The following SLCO2A1 variants were observed in gnomAD, a reference collection of about 807,000 sequenced individuals.
SLCO2A1 encodes solute carrier organic anion transporter family member 2A1.
SLCO2A1 carries 60 observed loss-of-function variants against 71.7 expected under a neutral mutation model. The ratio of observed to expected loss-of-function variants is 0.84; its 90% CI spans 0.68 to 1.04. The LOEUF is 1.04. SLCO2A1 is among the 50% of genes least tolerant of loss of function. The pLI, the probability that SLCO2A1 is intolerant of heterozygous loss-of-function variation, is 0.00. For synonymous variants in SLCO2A1, 308 were observed against 326.7 expected (o/e 0.94, Z 0.62); for missense variants, 745 against 813.4 (o/e 0.92, Z 1.02).
chr3:133,993,563 A>G (rs1025607357), intron 1 of SLCO2A1, among the ~76,000 whole-genome samples: 1 of 151,372 alleles, frequency 6.6e-6, no homozygotes, highest in African/African-American at 2.4e-5. Context: ...GGTTTCCCAG[A>G]AAAAAAAACA....
At chr3:134,007,116 T>G (rs1216183856) in intron 1 of SLCO2A1, among the ~76,000 whole-genome samples, 1 of 152,244 alleles carries the variant, frequency 6.6e-6, no homozygotes, top group African/African-American at 2.4e-5. Context: ...TGGCCACTTG[T>G]GTATCATTTT....
rs779107119 is a variant in SLCO2A1 at position 133,953,805 on chromosome 3, G to C, written c.626-44C>G. ...GGAAGGAGACTGAGATAAATGGAGA[G>C]AGTTTGGCAGCCTTGGGCTCCCAAG... On this transcript the variant is annotated intron_variant, in intron 4 of 13. Coordinates refer to ENST00000310926, the MANE Select transcript of SLCO2A1 (RefSeq NM_005630.3). The C allele has an allele frequency of 5.2e-6, 8 of 1,528,338 alleles. No homozygotes were observed. In the Admixed American group the frequency reaches 1.0e-4, roughly 19 times the overall value. 94.7% of individuals were successfully genotyped at this position (1,528,338 alleles called of 1,614,324 possible). A position where few individuals can be genotyped will look rare whatever the true frequency, so the allele number is the denominator to read the frequency against.
intron 3 of SLCO2A1, among the ~76,000 whole-genome samples, chr3:133,964,253 A>G (rs1194465987): frequency 2.0e-5 from 3 of 152,196 alleles, no homozygotes; most frequent in African/African-American, 7.2e-5. Flanking sequence ...ACTGCTTGAT[A>G]GTCAGAGGCC....
intron 6 of SLCO2A1, 62 bp downstream of exon 6, chr3:133,951,146 T>C: frequency 6.2e-7 from 1 of 1,606,490 alleles, no homozygotes; most frequent in Non-Finnish European, 8.5e-7. Flanking sequence ...CTATTTATTT[T>C]CTACCCCCAC....
In SLCO2A1 at chr3:133,953,665, G is replaced by A; in HGVS notation, c.722C>T (p.Thr241Ile). The A allele has an allele frequency of 6.2e-7, 1 of 1,613,600 alleles. No individual in the cohort carries two copies. Among genetic ancestry groups the A allele is most frequent in the Non-Finnish European group, 8.5e-7 (1 of 1,179,514 alleles). The change falls in exon 5 of 14, where the codon ACA becomes ATA. Residue 241 changes from threonine (T) to isoleucine (I), a missense_variant and splice_region_variant. Transcript: ENST00000310926. ...QIFVDYGRVN[T>I]AAVNLVPGDP... Reference sequence around the variant, plus strand: ...GGGTGTCCTCTGCACATACTCACCTGTGTTGACCCTGCCATAGTCCACAAA... The same window carrying A: ...GGGTGTCCTCTGCACATACTCACCTATGTTGACCCTGCCATAGTCCACAAA...
At chr3:133,986,080 G>A (rs77112828) in intron 1 of SLCO2A1, among the ~76,000 whole-genome samples, 4,135 of 152,254 alleles carry the variant, frequency 0.027, 180 homozygotes, top group African/African-American at 0.095. Flanking sequence ...ATTTATACAG[G>A]TTTATACATT....
Position 134,029,881 on chromosome 3 carries a change from C to T in SLCO2A1, c.-79G>A, listed in dbSNP as rs972226484. 1.6e-5 allele frequency: 12 copies of T among 756,360 alleles called. No homozygotes were observed. In the African/African-American group the frequency reaches 1.8e-4, roughly 12 times the overall value. The allele number at this position is 756,360 out of a possible 1,614,324, so 46.9% of individuals were successfully genotyped here. On this transcript the variant is annotated 5_prime_UTR_variant, in exon 1 of 14. Transcript: ENST00000310926. ...CTGGAGCGGCCGGGCGGGTGAGAGG[C>T]GACCGCGGCGGCAGTGGCCGGAGGA...
intron 1 of SLCO2A1, among the ~76,000 whole-genome samples, chr3:134,007,338 CTATTT>C (rs1353153178): frequency 8.5e-5 from 13 of 152,308 alleles, no homozygotes; most frequent in African/African-American, 3.1e-4. Flanking sequence ...TACAATTTAT[CTATTT>C]TAACTTTTGT....
intron 1 of SLCO2A1, among the ~76,000 whole-genome samples, chr3:134,007,808 A>G (rs1197931015): frequency 6.6e-6 from 1 of 152,194 alleles, no homozygotes; most frequent in Non-Finnish European, 1.5e-5. Context: ...CACACCACAC[A>G]TATTTCCTCC....
At chr3:133,944,817 G>A (rs1213099322) in intron 10 of SLCO2A1, among the ~76,000 whole-genome samples, 1 of 152,240 alleles carries the variant, frequency 6.6e-6, no homozygotes, top group African/African-American at 2.4e-5. Context: ...GGAGTGCTTT[G>A]ACTGGTTTCT....
chr3:134,007,637 T>C (rs1017240462), intron 1 of SLCO2A1, among the ~76,000 whole-genome samples: 2 of 152,174 alleles, frequency 1.3e-5, no homozygotes, highest in African/African-American at 4.8e-5. Context: ...CTGCTGACCC[T>C]GGAGTAGTGG....
chr3:133,967,771 C>A (rs1365022276), intron 3 of SLCO2A1, among the ~76,000 whole-genome samples: 1 of 151,550 alleles, frequency 6.6e-6, no homozygotes, highest in Non-Finnish European at 1.5e-5. Context: ...TCCCCACCCT[C>A]CAATCACCTA....
intron 1 of SLCO2A1, among the ~76,000 whole-genome samples, chr3:133,981,953 C>T (rs551347438): frequency 1.0e-4 from 13 of 126,210 alleles, no homozygotes; most frequent in African/African-American, 1.9e-4. Context: ...CCATCGTGGG[C>T]GACAGAGCGA....
intron 4 of SLCO2A1, among the ~76,000 whole-genome samples, 177 bp from the exon 5 acceptor site, chr3:133,953,938 T>C (rs1475020442): frequency 6.6e-6 from 1 of 152,018 alleles, no homozygotes; most frequent in Non-Finnish European, 1.5e-5. Context: ...TTCCAAGACA[T>C]ATAGAACCAA....
intron 3 of SLCO2A1, among the ~76,000 whole-genome samples, chr3:133,960,872 A>G (rs570540235): frequency 9.9e-5 from 15 of 152,230 alleles, no homozygotes; most frequent in African/African-American, 3.4e-4. Flanking sequence ...AGAAGAATCG[A>G]CAGGCATAGA....
At chr3:133,972,942 G>C (rs1934361106) in intron 3 of SLCO2A1, among the ~76,000 whole-genome samples, 1 of 152,168 alleles carries the variant, frequency 6.6e-6, no homozygotes, top group African/African-American at 2.4e-5. Context: ...AAAGAAACCA[G>C]TAAACTTGTG....
chr3:133,954,995 G>A lies in SLCO2A1; in HGVS notation c.596C>T (p.Ser199Leu), dbSNP rs747282875. 1.4e-5 allele frequency: 22 copies of A among 1,614,036 alleles called. No homozygotes were observed. Among genetic ancestry groups the A allele is most frequent in the Non-Finnish European group, 1.9e-5 (22 of 1,180,016 alleles). Residue 199 changes from serine to leucine, a missense_variant, in exon 4 of 14, where the codon TCA becomes TTA. Coordinates refer to ENST00000310926, the MANE Select transcript of SLCO2A1 (RefSeq NM_005630.3). ...GTACAGGGGCGAGTTGCTGGGCTCT[G>A]AGAAGTCATCCACATAGGAGATCCC... is the stretch of plus-strand genomic sequence containing the variant. ...PFGISYVDDF[S>L]EPSNSPLYIS...
intron 3 of SLCO2A1, among the ~76,000 whole-genome samples, chr3:133,964,602 C>T (rs978417955): frequency 5.3e-5 from 8 of 152,178 alleles, no homozygotes; most frequent in Admixed American, 3.9e-4. Flanking sequence ...GAGAAGTTCA[C>T]ATCTGTGGAG....
intron 1 of SLCO2A1, among the ~76,000 whole-genome samples, chr3:133,999,668 A>C (rs1413684023): frequency 6.6e-6 from 1 of 152,178 alleles, no homozygotes; most frequent in Non-Finnish European, 1.5e-5. Flanking sequence ...GCTGGAGCTG[A>C]GGTTTTGAAG....
Sources: gnomAD v4.1 joint callset for allele counts (sites outside exome capture counted in the v4.1 genomes callset) on GRCh38, gnomAD v4.1.1 for gene constraint, MANE v1.5 for transcripts, NCBI Gene and HGNC (gene_info 2026-07-23, HGNC 2026-07-21) for gene names.